BMPR1A: variants seen among roughly 807,000 people sequenced by gnomAD.
BMPR1A encodes bone morphogenetic protein receptor type-1A.
A neutral mutation model predicts 66.0 loss-of-function variants in BMPR1A; 7 were observed. That is an observed-to-expected ratio of 0.11 (90% CI 0.06 to 0.20). BMPR1A has a LOEUF of 0.20. BMPR1A is among the 10% of genes least tolerant of loss of function. The pLI, the probability that BMPR1A is intolerant of heterozygous loss-of-function variation, is 1.00. For synonymous variants in BMPR1A, 200 were observed against 229.7 expected, an observed-to-expected ratio of 0.87 and a Z score of 1.17; for missense variants, 408 against 669.1, an observed-to-expected ratio of 0.61 and a Z score of 4.31.
intron 4 of BMPR1A, among the ~76,000 whole-genome samples, chr10:86,890,517 C>T (rs1201251725): frequency 1.3e-5 from 2 of 151,738 alleles, no homozygotes; most frequent in African/African-American, 4.8e-5. Context: ...TTTATTGATG[C>T]TCATTTTAGA....
chr10:86,836,006 G>A (rs1477807750), intron 1 of BMPR1A, among the ~76,000 whole-genome samples: 4 of 152,184 alleles, frequency 2.6e-5, no homozygotes, highest in African/African-American at 9.6e-5. Context: ...GCTTGCATAT[G>A]TTTTTTAAAG....
chr10:86,883,025 A>G (rs1205376660), intron 3 of BMPR1A, among the ~76,000 whole-genome samples: 2 of 152,164 alleles, frequency 1.3e-5, no homozygotes, highest in Non-Finnish European at 2.9e-5. Flanking sequence ...TTTCAAGCAT[A>G]TGTCTAAGTA....
chr10:86,804,883 G>A (rs1488377820), intron 1 of BMPR1A, among the ~76,000 whole-genome samples: 2 of 140,006 alleles, frequency 1.4e-5, no homozygotes, highest in African/African-American at 5.4e-5. Flanking sequence ...CCCAATTCTA[G>A]AGGCTGTACT....
chr10:86,801,301 G>T (rs1841808034), intron 1 of BMPR1A, among the ~76,000 whole-genome samples: 1 of 152,018 alleles, frequency 6.6e-6, no homozygotes, highest in South Asian at 2.1e-4. Flanking sequence ...ATGCCCAACT[G>T]ATAGTTTGTA....
intron 2 of BMPR1A, among the ~76,000 whole-genome samples, chr10:86,846,150 AGG>A (rs1842482957): frequency 6.6e-6 from 1 of 152,134 alleles, no homozygotes; most frequent in Non-Finnish European, 1.5e-5. Context: ...TGCTGGCAGT[AGG>A]GTGTTCTCTG....
At chr10:86,798,922 T>G (rs1841767286) in intron 1 of BMPR1A, among the ~76,000 whole-genome samples, 1 of 152,216 alleles carries the variant, frequency 6.6e-6, no homozygotes, top group Non-Finnish European at 1.5e-5. Context: ...TGGTGTTCCT[T>G]TAGTCCTTGT....
At chr10:86,816,628 A>G (rs1300102273) in intron 1 of BMPR1A, among the ~76,000 whole-genome samples, 2 of 152,232 alleles carry the variant, frequency 1.3e-5, no homozygotes, top group Non-Finnish European at 2.9e-5. Context: ...ACTTGTTTGC[A>G]GAGCACTGAC....
intron 1 of BMPR1A, among the ~76,000 whole-genome samples, chr10:86,802,318 A>C (rs1388235541): frequency 1.3e-5 from 2 of 152,176 alleles, no homozygotes; most frequent in Non-Finnish European, 2.9e-5. Flanking sequence ...TGAGTATCAT[A>C]ATTCTGGCCT....
rs1344337096 is a variant in BMPR1A, at chr10:86,842,860, T to TGAGATC, written c.-153+3881_-153+3882insGAGATC. On this transcript the variant is annotated intron_variant, in intron 2 of 12. Coordinates refer to ENST00000372037, the MANE Select transcript of BMPR1A (RefSeq NM_004329.3). The stretch of plus-strand genomic sequence containing the variant: ...AAATCATCAGATCTTGTGAGACGTA[T>TGAGATC]TCACTACCAAGAGAACAGTATAGGG... 1.3e-3 allele frequency among the ~76,000 whole-genome samples: 193 copies of TGAGATC among 152,250 alleles called. 2 individuals carry two copies. The highest frequency in any genetic ancestry group is 4.5e-3 in the African/African-American group (187 of 41,548).
At chr10:86,839,987 GAATA>G (rs1459306462) in intron 2 of BMPR1A, among the ~76,000 whole-genome samples, 1 of 152,030 alleles carries the variant, frequency 6.6e-6, no homozygotes, top group Non-Finnish European at 1.5e-5. Context: ...TAACATGTTA[GAATA>G]ATAGATCTTT....
At chr10:86,878,814 A>G (rs890762557) in intron 3 of BMPR1A, among the ~76,000 whole-genome samples, 2 of 152,202 alleles carry the variant, frequency 1.3e-5, no homozygotes, top group Admixed American at 6.5e-5. Flanking sequence ...GTCTTAATCT[A>G]TATCCATTGC....
chr10:86,757,618 C>T (rs1395252388), intron 1 of BMPR1A, among the ~76,000 whole-genome samples: 2 of 152,228 alleles, frequency 1.3e-5, no homozygotes, highest in African/African-American at 2.4e-5. Context: ...GAGCGTGGTA[C>T]TCTTTCATGC....
intron 11 of BMPR1A, among the ~76,000 whole-genome samples, chr10:86,923,144 G>C (rs758008532): frequency 2.0e-5 from 3 of 150,892 alleles, no homozygotes; most frequent in Non-Finnish European, 4.4e-5. Context: ...TATGCCCTTT[G>C]TCGATGGACT....
chr10:86,811,650 A>T (rs1841972395), intron 1 of BMPR1A, among the ~76,000 whole-genome samples: 1 of 152,130 alleles, frequency 6.6e-6, no homozygotes, highest in Admixed American at 6.5e-5. Context: ...TCTATCTTAC[A>T]GGCAGTCAGT....
chr10:86,772,087 G>C (rs1841272512), intron 1 of BMPR1A, among the ~76,000 whole-genome samples: 1 of 144,476 alleles, frequency 6.9e-6, no homozygotes, highest in African/African-American at 2.6e-5. Context: ...TCTCATCTCT[G>C]AGATGTATAC....
intron 2 of BMPR1A, among the ~76,000 whole-genome samples, chr10:86,853,798 C>G (rs963373879): frequency 4.6e-5 from 7 of 152,110 alleles, no homozygotes; most frequent in African/African-American, 1.7e-4. Context: ...ACGTGCTTCA[C>G]AAGGTAATAG....
At chr10:86,902,899 A>C (rs1378715387) in intron 7 of BMPR1A, among the ~76,000 whole-genome samples, 1 of 152,182 alleles carries the variant, frequency 6.6e-6, no homozygotes, top group East Asian at 1.9e-4. Context: ...TGGGAGTAGG[A>C]TCTGTTCACA....
intron 1 of BMPR1A, among the ~76,000 whole-genome samples, chr10:86,797,787 G>A (rs1841744861): frequency 6.6e-6 from 1 of 152,198 alleles, no homozygotes; most frequent in Non-Finnish European, 1.5e-5. Context: ...AAAAGGTTGA[G>A]TTGTGGTTCC....
intron 3 of BMPR1A, among the ~76,000 whole-genome samples, chr10:86,884,407 T>TTA (rs1843040103): frequency 1.2e-5 from 1 of 83,148 alleles, no homozygotes; most frequent in Non-Finnish European, 2.3e-5. Flanking sequence ...TTTTTTTTTT[T>TTA]TTTTTTTTTT....
Sources: allele counts gnomAD v4.1 joint callset (sites outside exome capture counted in the v4.1 genomes callset), GRCh38; gene constraint gnomAD v4.1.1; transcripts MANE v1.5; gene names NCBI Gene and HGNC (gene_info 2026-07-23, HGNC 2026-07-21).